The following BAZ1A variants were observed in gnomAD, a reference collection of about 807,000 sequenced individuals.
BAZ1A encodes the protein bromodomain adjacent to zinc finger domain 1A, also known as bromodomain adjacent to zinc finger domain protein 1A.
Under a neutral mutation model 185.2 loss-of-function variants are expected in BAZ1A, and 50 were observed. The ratio of observed to expected loss-of-function variants is 0.27; its 90% CI spans 0.22 to 0.34. The LOEUF (loss-of-function observed/expected upper bound fraction) is 0.34, where lower values mean the gene tolerates loss of function less well. Ranked by LOEUF, BAZ1A falls within the 10% of genes least tolerant of loss-of-function variation. The pLI is 1.00. For missense variants in BAZ1A, 1,356 were observed against 1,839.9 expected, an observed-to-expected ratio of 0.74 and a Z score of 4.81; for synonymous variants, 571 against 615.6, an observed-to-expected ratio of 0.93 and a Z score of 1.07.
chr14:34,788,683 A>G (rs7145452), intron 12 of BAZ1A, among the ~76,000 whole-genome samples: 9,651 of 152,246 alleles, frequency 0.063, 416 homozygotes, highest in Non-Finnish European at 0.099. Context: ...TGAAAACTCA[A>G]TATAAAAGAG....
chr14:34,782,907 A>C (rs1880138685), intron 16 of BAZ1A, among the ~76,000 whole-genome samples: 1 of 152,252 alleles, frequency 6.6e-6, no homozygotes, highest in Non-Finnish European at 1.5e-5. Context: ...TAACTCTGTG[A>C]AATACAGTGT....
At position 34,800,402 on chromosome 14, in the gene BAZ1A, A is replaced by T; in HGVS notation, c.962-12T>A. 6.5e-7 allele frequency: 1 copy of T among 1,532,872 alleles called. No individual in the cohort carries two copies. Among genetic ancestry groups the T allele is most frequent in the Non-Finnish European group, 8.7e-7 (1 of 1,145,698 alleles). The allele number at this position is 1,532,872 out of a possible 1,614,324, so 95.0% of individuals were successfully genotyped here. The stretch of plus-strand genomic sequence containing the variant: ...AGCCTTTTCAAAAGCTGTGAAGAAA[A>T]ATCAAACTTAGAACTATATATATAG... On this transcript the variant is annotated splice_polypyrimidine_tract_variant and intron_variant, in intron 8 of 26. Transcript: ENST00000360310.
At chr14:34,768,480 A>C (rs1189897630) in intron 21 of BAZ1A, among the ~76,000 whole-genome samples, 1 of 152,164 alleles carries the variant, frequency 6.6e-6, no homozygotes, top group African/African-American at 2.4e-5. Flanking sequence ...AATTTAGAAG[A>C]GTGATTAGCT....
In BAZ1A at chr14:34,776,241, C is replaced by T; in HGVS notation, c.2511G>A (p.Leu837=). Residue 837 remains leucine (L), a synonymous_variant, in exon 18 of 27, where the codon CTG becomes CTA. Transcript: ENST00000360310. ...EDYSGLTEDM[L]LPRPSSFQNN... ...TCTGAAATGATGAAGGTCTAGGCAA[C>T]AGCATGTCTTCAGTAAGACCAGAAT... The T allele has an allele frequency of 6.2e-7, 1 of 1,613,958 alleles. No homozygotes were observed. The highest frequency in any genetic ancestry group is 1.1e-5 in the South Asian group (1 of 91,084).
chr14:34,800,243 A>T lies in BAZ1A; in HGVS notation c.1109T>A (p.Leu370His). ...RLKKKEEKER[L>H]KVEREKEREK... ...GAATACCTTTTCTCTTTCTACTTTA[A>T]GCCTCTCTTTTTCTTCTTTTTTCTT... The change falls in exon 9 of 27, where the codon CTT (leucine) becomes CAT (histidine). Residue 370 changes from leucine to histidine, a missense_variant. Coordinates refer to ENST00000360310, the MANE Select transcript of BAZ1A (RefSeq NM_013448.3). 1 of 1,417,110 alleles carries T rather than the reference A, an allele frequency of 7.1e-7. No individual in the cohort carries two copies. The highest frequency in any genetic ancestry group is 9.6e-7 in the Non-Finnish European group (1 of 1,044,174). The allele number at this position is 1,417,110 out of a possible 1,614,324, so 87.8% of individuals were successfully genotyped here. A position where few individuals can be genotyped will look rare whatever the true frequency, so the allele number is the denominator to read the frequency against.
intron 4 of BAZ1A, among the ~76,000 whole-genome samples, chr14:34,817,583 TCAAAACAAAA>T (rs747771568): frequency 2.2e-4 from 34 of 152,110 alleles, no homozygotes; most frequent in Non-Finnish European, 3.7e-4. Flanking sequence ...CCAGTCTGTC[TCAAAACAAAA>T]CAAAACAAAA....
At position 34,836,378 on chromosome 14, in the gene BAZ1A, CAAAAAAAAAAAAAAAAAAAAAAAAAAA is replaced by C. The variant is rs773500177; in HGVS notation, c.393-10249_393-10223del. Among the ~76,000 whole-genome samples, 9 of 13,132 alleles carry C rather than the reference CAAAAAAAAAAAAAAAAAAAAAAAAAAA, an allele frequency of 6.9e-4. 3 individuals are homozygous for C. In the East Asian group the frequency reaches 0.046, roughly 67 times the overall value. The allele number at this position is 13,132 out of a possible 152,430, so 8.6% of individuals were successfully genotyped here. A position where few individuals can be genotyped will look rare whatever the true frequency, so the allele number is the denominator to read the frequency against. On this transcript the variant is annotated intron_variant, in intron 3 of 26. Coordinates refer to ENST00000360310, the MANE Select transcript of BAZ1A (RefSeq NM_013448.3). ...TGGGCGACAGAGCGAGACTCCGTCT[CAAAAAAAAAAAAAAAAAAAAAAAAAAA>C]AAAAAAAAAAAAAACTTTCTATAAC...
At chr14:34,764,535 G>C (rs571144267) in intron 23 of BAZ1A, among the ~76,000 whole-genome samples, 172 bp downstream of exon 23, 1 of 151,878 alleles carries the variant, frequency 6.6e-6, no homozygotes, top group Non-Finnish European at 1.5e-5. Flanking sequence ...CAGGTGATCT[G>C]CCTGCCTCAG....
rs747567524 is a variant in BAZ1A at position 34,785,783 on chromosome 14, T to A, written c.1825A>T (p.Thr609Ser). ...KLSSTSVYDL[T>S]PGEKMKILHA... ...TCCAACTTGCAAAGCTTACCTGGTGTCAAATCATACACTGAGGTGCTTGAC... is the reference window on the plus strand; with the variant it reads ...TCCAACTTGCAAAGCTTACCTGGTGACAAATCATACACTGAGGTGCTTGAC... Residue 609 changes from threonine to serine, a missense_variant, in exon 14 of 27, where the codon ACA becomes TCA. Physicochemically the swap from Thr to Ser is moderately conservative, Grantham distance 58. Transcript: ENST00000360310. The A allele has an allele frequency of 1.2e-6, 2 of 1,613,826 alleles. No individual in the cohort carries two copies. The highest frequency in any genetic ancestry group is 1.1e-5 in the South Asian group (1 of 91,080).
chr14:34,874,542 G>A lies in BAZ1A; in HGVS notation c.63C>T (p.Asp21=), dbSNP rs139478810. The change falls in exon 2 of 27, where the codon GAC becomes GAT. Residue 21 remains aspartate (D), a synonymous_variant. Coordinates refer to ENST00000360310, the MANE Select transcript of BAZ1A (RefSeq NM_013448.3). This position sits in a 1 kb window ranked among gnomAD's most constrained non-coding sequence, Gnocchi z 4.7. ...TGACTTTACAGTAGAAAACTTCCTCGTCGGGCCGCAGGTCCGCGGGCGGCT... is the reference window on the plus strand; with the variant it reads ...TGACTTTACAGTAGAAAACTTCCTCATCGGGCCGCAGGTCCGCGGGCGGCT... The part of the protein sequence containing the change: ...RQKPPADLRP[D]EEVFYCKVTN... 7.9e-5 allele frequency: 127 copies of A among 1,611,626 alleles called. 1 individual carries two copies. The African/African-American group carries it at 1.4e-3, about 17-fold the overall frequency.
intron 17 of BAZ1A, 64 bp from the exon 18 acceptor site, chr14:34,776,579 ATACAAAGTTACCCC>A (rs1879627529): frequency 7.3e-7 from 1 of 1,364,644 alleles, no homozygotes. Context: ...AAAATATGAG[ATACAAAGTTACCCC>A]AAGTTATTAG....
intron 3 of BAZ1A, among the ~76,000 whole-genome samples, chr14:34,848,300 G>C (rs1408956515): frequency 6.6e-6 from 1 of 152,150 alleles, no homozygotes; most frequent in Non-Finnish European, 1.5e-5. Context: ...ATTGATATCA[G>C]CTTATAAGAT....
chr14:34,851,683 G>C (rs1566596934), intron 3 of BAZ1A, among the ~76,000 whole-genome samples: 1 of 152,132 alleles, frequency 6.6e-6, no homozygotes, highest in Non-Finnish European at 1.5e-5. Flanking sequence ...ACAAGGCACA[G>C]TGGCCCATGC....
intron 3 of BAZ1A, among the ~76,000 whole-genome samples, chr14:34,855,293 T>C (rs2042659229): frequency 6.6e-6 from 1 of 152,162 alleles, no homozygotes; most frequent in South Asian, 2.1e-4. Flanking sequence ...GGCAGCAAAC[T>C]GTTCAAACCG....
chr14:34,858,689 TTTAAAATAAA>T lies in BAZ1A; in HGVS notation c.392+3345_392+3354del, dbSNP rs1200367545. 4.0e-5 allele frequency among the ~76,000 whole-genome samples: 6 copies of T among 149,600 alleles called. No homozygotes were observed. In the East Asian group the frequency reaches 1.2e-3, roughly 29 times the overall value. On this transcript the variant is annotated intron_variant, in intron 3 of 26. Coordinates refer to ENST00000360310, the MANE Select transcript of BAZ1A (RefSeq NM_013448.3). ...GTGGGGAGGCAAAAAATAAATAAAT[TTTAAAATAAA>T]ATAAAATAATTAAAAGTTGGGGCGA...
Position 34,758,573 on chromosome 14 carries a change from G to A in BAZ1A, c.4386+131C>T, listed in dbSNP as rs547064987. On this transcript the variant is annotated intron_variant, in intron 25 of 26. Transcript: ENST00000360310. The stretch of plus-strand genomic sequence containing the variant: ...CCAGCCTGGGCGACAGAGTGAGACT[G>A]TCTCAGGAAAAAACAACAACAACAA... The A allele has an allele frequency of 3.9e-5, 36 of 922,332 alleles. No individual in the cohort carries two copies. In the African/African-American group the frequency reaches 4.9e-4, roughly 12 times the overall value. The allele number at this position is 922,332 out of a possible 1,614,324, so 57.1% of individuals were successfully genotyped here.
At chr14:34,808,095 CA>C (rs906849105) in intron 5 of BAZ1A, among the ~76,000 whole-genome samples, 10 of 144,292 alleles carry the variant, frequency 6.9e-5, no homozygotes, top group South Asian at 4.3e-4. Context: ...GACTCTGTCT[CA>C]AAAAAAAAGA....
At chr14:34,807,161 G>A (rs1044953546) in intron 6 of BAZ1A, among the ~76,000 whole-genome samples, 7 of 150,532 alleles carry the variant, frequency 4.7e-5, no homozygotes, top group Admixed American at 6.7e-5. Flanking sequence ...ATAGGTATTA[G>A]GAAGCTATAG....
At chr14:34,757,365 C>CA (rs760606242) in intron 25 of BAZ1A, among the ~76,000 whole-genome samples, 123 of 108,780 alleles carry the variant, frequency 1.1e-3, no homozygotes, top group Admixed American at 2.7e-3. Context: ...GACTCCATCT[C>CA]AAAAAAAAAA....
Sources: allele counts gnomAD v4.1 joint callset (sites outside exome capture counted in the v4.1 genomes callset), GRCh38; gene constraint gnomAD v4.1.1; non-coding constraint Gnocchi (gnomAD v3.1); transcripts MANE v1.5; gene names NCBI Gene and HGNC (gene_info 2026-07-23, HGNC 2026-07-21).